SUSD1: variants seen among roughly 807,000 people sequenced by gnomAD.
SUSD1 encodes sushi domain-containing protein 1.
SUSD1 carries 65 observed loss-of-function variants against 86.9 expected under a neutral mutation model. The ratio of observed to expected loss-of-function variants is 0.75; its 90% CI spans 0.61 to 0.92. The LOEUF (loss-of-function observed/expected upper bound fraction) is 0.92. Among genes scored for constraint, SUSD1 ranks in the 40% least tolerant of loss-of-function variants. The probability of loss-of-function intolerance (pLI) is 0.00; values close to 1 mark genes in which losing one functional copy is unlikely to be tolerated. For missense variants in SUSD1, 850 were observed against 929.7 expected (o/e 0.91, Z 1.11); for synonymous variants, 346 against 350.0 (o/e 0.99, Z 0.13).
chr9:112,133,388 G>A (rs957499152), intron 5 of SUSD1, among the ~76,000 whole-genome samples: 1 of 152,232 alleles, frequency 6.6e-6, no homozygotes, highest in Non-Finnish European at 1.5e-5. Context: ...GAACAGAATA[G>A]AGAACCCAGA....
intron 12 of SUSD1, among the ~76,000 whole-genome samples, chr9:112,064,259 G>A (rs1477366468): frequency 1.3e-5 from 2 of 152,150 alleles, no homozygotes; most frequent in Admixed American, 6.5e-5. Context: ...AGCAGCAGGT[G>A]GACAAGCATT....
At chr9:112,077,183 C>A (rs774317490) in intron 12 of SUSD1, among the ~76,000 whole-genome samples, 16 of 151,942 alleles carry the variant, frequency 1.1e-4, no homozygotes, top group Non-Finnish European at 1.5e-4. Context: ...AGGGGAAGTG[C>A]TGATCAGGGA....
intron 5 of SUSD1, among the ~76,000 whole-genome samples, chr9:112,126,113 C>T (rs1469348336): frequency 6.6e-6 from 1 of 152,218 alleles, no homozygotes; most frequent in Non-Finnish European, 1.5e-5. Flanking sequence ...CACAAGCAAC[C>T]AACCAAAGAG....
intron 12 of SUSD1, among the ~76,000 whole-genome samples, chr9:112,073,228 CT>C (rs1829362738): frequency 6.6e-6 from 1 of 152,164 alleles, no homozygotes; most frequent in South Asian, 2.1e-4. Context: ...TGAAAAAGTA[CT>C]TTCCTTTTTC....
chr9:112,068,246 T>C (rs547513588), intron 12 of SUSD1, among the ~76,000 whole-genome samples: 7 of 151,960 alleles, frequency 4.6e-5, no homozygotes, highest in Non-Finnish European at 8.8e-5. Context: ...AACACGGAAA[T>C]AGACATCTGC....
chr9:112,122,592 C>T (rs1831599286), intron 6 of SUSD1, among the ~76,000 whole-genome samples: 1 of 152,156 alleles, frequency 6.6e-6, no homozygotes, highest in African/African-American at 2.4e-5. Context: ...TTGCACCAGG[C>T]CTCAAGACTC....
intron 2 of SUSD1, among the ~76,000 whole-genome samples, chr9:112,152,367 GTTTC>G (rs1833089559): frequency 6.6e-6 from 1 of 150,740 alleles, no homozygotes; most frequent in Non-Finnish European, 1.5e-5. Flanking sequence ...ATTTTTTTTT[GTTTC>G]TTTATATGAA....
rs563793434 is a variant in SUSD1 at position 112,117,197 on chromosome 9, C to A, written c.887-4329G>T. The stretch of plus-strand genomic sequence containing the variant: ...TATCAGCCTTCTTTCCCACCAGTCT[C>A]CCACAGCCTCCTCATCCCCTAGCCA... On this transcript the variant is annotated intron_variant, in intron 6 of 16. Coordinates refer to ENST00000374270, the MANE Select transcript of SUSD1 (RefSeq NM_022486.5). Among the ~76,000 whole-genome samples, 4 of 152,320 alleles carry A rather than the reference C, an allele frequency of 2.6e-5. No homozygotes were observed. In the East Asian group the frequency reaches 5.8e-4, roughly 22 times the overall value.
At chr9:112,116,005 C>T (rs892756609) in intron 6 of SUSD1, among the ~76,000 whole-genome samples, 2 of 152,012 alleles carry the variant, frequency 1.3e-5, no homozygotes, top group African/African-American at 4.8e-5. Context: ...AGCCCCAGAG[C>T]TCTTGGCATC....
intron 15 of SUSD1, among the ~76,000 whole-genome samples, chr9:112,051,397 G>A (rs373045656): frequency 1.7e-4 from 21 of 125,032 alleles, no homozygotes; most frequent in African/African-American, 6.0e-4. Flanking sequence ...AAGGGAAGAA[G>A]TTTTTCTTTT....
At chr9:112,158,141 T>C (rs1294007263) in intron 1 of SUSD1, among the ~76,000 whole-genome samples, 1 of 152,032 alleles carries the variant, frequency 6.6e-6, no homozygotes, top group African/African-American at 2.4e-5. Context: ...ATGCTCTTAG[T>C]GATCTCACTC....
rs923897967 is a variant in SUSD1 at position 112,114,097 on chromosome 9, G to A, written c.887-1229C>T. On this transcript the variant is annotated intron_variant, in intron 6 of 16. Coordinates refer to ENST00000374270, the MANE Select transcript of SUSD1 (RefSeq NM_022486.5). The stretch of plus-strand genomic sequence containing the variant: ...AGGTCAGTGAGGTTGCGGGATACAA[G>A]GTCAATGTACAAAAATCTATTGTAT... Among the ~76,000 whole-genome samples, 35 of 152,238 alleles carry A rather than the reference G, an allele frequency of 2.3e-4. 1 individual carries two copies. Among genetic ancestry groups the A allele is most frequent in the Admixed American group, 2.1e-3 (32 of 15,286 alleles).
At chr9:112,143,733 A>C in intron 3 of SUSD1, 110 bp from the exon 4 acceptor site, 2 of 1,112,046 alleles carry the variant, frequency 1.8e-6, no homozygotes. Flanking sequence ...TACTCTTGTA[A>C]AAAGATGCAT....
intron 5 of SUSD1, among the ~76,000 whole-genome samples, chr9:112,135,780 C>T (rs927611353): frequency 7.2e-5 from 11 of 152,240 alleles, no homozygotes; most frequent in African/African-American, 2.4e-4. Context: ...ATGACCGTGA[C>T]ATTGAGCCAC....
chr9:112,143,728 T>C lies in SUSD1; in HGVS notation c.374-105A>G, dbSNP rs763304837. 1.7e-4 allele frequency: 197 copies of C among 1,186,188 alleles called. 1 individual carries two copies. Among genetic ancestry groups the C allele is most frequent in the Non-Finnish European group, 2.2e-4 (188 of 859,932 alleles). 73.5% of individuals were successfully genotyped at this position (1,186,188 alleles called of 1,614,324 possible). ...ATTTTTTCACATTTTCAAGCTACTC[T>C]TGTAAAAAGATGCATTTGTTTGCAA... On this transcript the variant is annotated intron_variant, in intron 3 of 16. Transcript: ENST00000374270.
chr9:112,147,057 T>C (rs886579944), intron 3 of SUSD1, among the ~76,000 whole-genome samples: 11 of 152,234 alleles, frequency 7.2e-5, no homozygotes, highest in African/African-American at 2.4e-4. Context: ...TCAGGGATCA[T>C]ATTCTCCAGA....
intron 12 of SUSD1, among the ~76,000 whole-genome samples, chr9:112,073,146 C>T (rs1829358675): frequency 6.6e-6 from 1 of 152,146 alleles, no homozygotes; most frequent in Non-Finnish European, 1.5e-5. Context: ...CCTGGCTGGA[C>T]CTCTCTGATA....
chr9:112,098,372 C>T (rs551137851), intron 10 of SUSD1, 98 bp downstream of exon 10: 23 of 1,273,312 alleles, frequency 1.8e-5, no homozygotes, highest in Middle Eastern at 2.8e-4. Context: ...ACCCCTGTCT[C>T]TTGACTCCCA....
At chr9:112,069,295 GC>G (rs1000694913) in intron 12 of SUSD1, among the ~76,000 whole-genome samples, 1 of 152,184 alleles carries the variant, frequency 6.6e-6, no homozygotes, top group African/African-American at 2.4e-5. Flanking sequence ...TAAACCTGCG[GC>G]ATTGCCAGGT....
Sources: gnomAD v4.1 joint callset for allele counts (sites outside exome capture counted in the v4.1 genomes callset) on GRCh38, gnomAD v4.1.1 for gene constraint, MANE v1.5 for transcripts, NCBI Gene and HGNC (gene_info 2026-07-23, HGNC 2026-07-21) for gene names.